ADAM10: variants seen among roughly 807,000 people sequenced by gnomAD.
The protein encoded by ADAM10 is disintegrin and metalloproteinase domain-containing protein 10.
A neutral mutation model predicts 90.1 loss-of-function variants in ADAM10; 17 were observed. The ratio of observed to expected loss-of-function variants is 0.19; its 90% CI spans 0.13 to 0.28. ADAM10 has a LOEUF of 0.28. Ranked by LOEUF, ADAM10 falls within the 10% of genes least tolerant of loss-of-function variation. The pLI, the probability that ADAM10 is intolerant of heterozygous loss-of-function variation, is 1.00. For missense variants in ADAM10, 610 were observed against 914.3 expected (o/e 0.67, Z 4.29); for synonymous variants, 310 against 298.6 (o/e 1.04, Z -0.40).
At chr15:58,726,278 G>A (rs1046304421) in intron 1 of ADAM10, among the ~76,000 whole-genome samples, 10 of 152,070 alleles carry the variant, frequency 6.6e-5, no homozygotes, top group African/African-American at 2.4e-4. Context: ...TCATCATAAA[G>A]CCAATAGCAG....
chr15:58,684,687 T>C (rs1412902238), intron 2 of ADAM10, among the ~76,000 whole-genome samples: 1 of 152,242 alleles, frequency 6.6e-6, no homozygotes, highest in African/African-American at 2.4e-5. Context: ...CAAGAGTAAG[T>C]AAACTGTTTT....
At chr15:58,733,483 C>T (rs1899324595) in intron 1 of ADAM10, among the ~76,000 whole-genome samples, 1 of 152,156 alleles carries the variant, frequency 6.6e-6, no homozygotes, top group African/African-American at 2.4e-5. Context: ...GAACTGCCTG[C>T]CTCATTCTAC....
intron 1 of ADAM10, chr15:58,748,045 A>C (rs1250656197): frequency 7.2e-6 from 1 of 138,318 alleles, no homozygotes; most frequent in African/African-American, 3.2e-5. Context: ...CTCCTCTAAC[A>C]GAGAGTCTCC....
At chr15:58,613,881 T>G (rs925300770) in intron 11 of ADAM10, among the ~76,000 whole-genome samples, 3 of 152,200 alleles carry the variant, frequency 2.0e-5, no homozygotes, top group Admixed American at 2.0e-4. Flanking sequence ...TTTGGGAGGC[T>G]GAGGTGGGAG....
chr15:58,596,955 G>C lies in ADAM10; in HGVS notation c.*592C>G. ...GGACCACTGAATACCACCATTCTCT[G>C]TTATCCTGAGTATGTCAATTAAACA... On this transcript the variant is annotated 3_prime_UTR_variant, in exon 16 of 16. Transcript: ENST00000260408. 6.1e-6 allele frequency: 1 copy of C among 162,918 alleles called. No homozygotes were observed. The highest frequency in any genetic ancestry group is 1.6e-4 in the South Asian group (1 of 6,142). 10.1% of individuals were successfully genotyped at this position (162,918 alleles called of 1,614,324 possible).
intron 5 of ADAM10, among the ~76,000 whole-genome samples, chr15:58,650,783 T>A (rs961280214): frequency 1.4e-4 from 22 of 152,192 alleles, no homozygotes; most frequent in African/African-American, 5.1e-4. Flanking sequence ...ACACATATAT[T>A]TTTAAAATAT....
chr15:58,717,772 C>T lies in ADAM10; in HGVS notation c.56-45G>A, dbSNP rs1036499611. Reference sequence around the variant, plus strand: ...TTCTGAATTAGTATCATCTTGAAGACCCCTTCTAGTTCTAACACGATTATT... The same window carrying T: ...TTCTGAATTAGTATCATCTTGAAGATCCCTTCTAGTTCTAACACGATTATT... On this transcript the variant is annotated intron_variant, in intron 1 of 15. Transcript: ENST00000260408. 1.9e-6 allele frequency: 3 copies of T among 1,588,724 alleles called. No individual in the cohort carries two copies. In the African/African-American group the frequency reaches 4.0e-5, roughly 21 times the overall value.
chr15:58,619,882 C>A (rs1202514950), intron 11 of ADAM10, among the ~76,000 whole-genome samples: 1 of 150,002 alleles, frequency 6.7e-6, no homozygotes, highest in African/African-American at 2.5e-5. Context: ...CCAGCCTGGG[C>A]GACAGTGCAA....
intron 5 of ADAM10, among the ~76,000 whole-genome samples, chr15:58,650,500 A>T (rs1896657368): frequency 6.6e-6 from 1 of 152,150 alleles, no homozygotes; most frequent in African/African-American, 2.4e-5. Context: ...GGTCCCAACC[A>T]AAAGCTCTTC....
chr15:58,634,752 G>A (rs1293134367), intron 8 of ADAM10, among the ~76,000 whole-genome samples: 1 of 152,042 alleles, frequency 6.6e-6, no homozygotes, highest in Non-Finnish European at 1.5e-5. Flanking sequence ...AAATGGATAA[G>A]CGTATTACGA....
chr15:58,610,193 TATAA>T (rs1895401337), intron 14 of ADAM10, 100 bp downstream of exon 14: 2 of 886,794 alleles, frequency 2.3e-6, no homozygotes, highest in Non-Finnish European at 3.6e-6. Context: ...GTAATTCTAA[TATAA>T]ATAGTTAAGT....
chr15:58,686,672 G>A, intron 2 of ADAM10: 1 of 711,438 alleles, frequency 1.4e-6, no homozygotes, highest in Middle Eastern at 3.4e-4. Flanking sequence ...AGTGATGAAT[G>A]ACTGCCTTCA....
At chr15:58,679,911 A>C (rs1398322409) in intron 3 of ADAM10, among the ~76,000 whole-genome samples, 1 of 152,134 alleles carries the variant, frequency 6.6e-6, no homozygotes, top group Non-Finnish European at 1.5e-5. Flanking sequence ...CTTGTCTCAA[A>C]ACAAAACAAA....
intron 1 of ADAM10, among the ~76,000 whole-genome samples, chr15:58,736,664 T>A (rs1326813293): frequency 6.6e-6 from 1 of 152,084 alleles, no homozygotes; most frequent in East Asian, 1.9e-4. Context: ...ATTCATAAAT[T>A]CAGGTGAAAG....
intron 14 of ADAM10, among the ~76,000 whole-genome samples, chr15:58,601,442 C>T (rs1895107215): frequency 6.6e-6 from 1 of 152,108 alleles, no homozygotes; most frequent in South Asian, 2.1e-4. Context: ...GCCTGGGCAA[C>T]AGAGTGAGAC....
intron 12 of ADAM10, chr15:58,611,400 C>T (rs992780822): frequency 9.0e-5 from 34 of 377,114 alleles, no homozygotes; most frequent in African/African-American, 2.9e-4. Context: ...TTGGTTATTA[C>T]GGCTCTTCTA....
intron 1 of ADAM10, among the ~76,000 whole-genome samples, chr15:58,719,591 T>C (rs911998477): frequency 1.3e-5 from 2 of 152,236 alleles, no homozygotes; most frequent in Non-Finnish European, 2.9e-5. Context: ...GGGCATAAAC[T>C]CTGATGTCAG....
intron 1 of ADAM10, chr15:58,747,804 T>C (rs1899839382): frequency 1.3e-5 from 2 of 152,204 alleles, no homozygotes; most frequent in African/African-American, 4.8e-5. Context: ...AATTGTTTTT[T>C]CTTCAAATAT....
intron 2 of ADAM10, among the ~76,000 whole-genome samples, chr15:58,712,546 G>C (rs1327098023): frequency 6.7e-6 from 1 of 149,138 alleles, no homozygotes; most frequent in South Asian, 2.1e-4. Context: ...AAGGCCAGAC[G>C]TGGTGGCTCA....
Sources: allele counts gnomAD v4.1 joint callset (sites outside exome capture counted in the v4.1 genomes callset), GRCh38; gene constraint gnomAD v4.1.1; transcripts MANE v1.5; gene names NCBI Gene and HGNC (gene_info 2026-07-23, HGNC 2026-07-21).